SLC30A9: variants seen among roughly 807,000 people sequenced by gnomAD.
SLC30A9 encodes proton-coupled zinc antiporter SLC30A9, mitochondrial.
Under a neutral mutation model 87.5 loss-of-function variants are expected in SLC30A9, and 58 were observed. The ratio of observed to expected loss-of-function variants is 0.66; its 90% CI spans 0.54 to 0.82. SLC30A9 has a LOEUF of 0.82. SLC30A9 is among the 40% of genes least tolerant of loss of function. The probability of loss-of-function intolerance (pLI) is 0.00; values close to 1 mark genes in which losing one functional copy is unlikely to be tolerated. For synonymous variants in SLC30A9, 234 were observed against 233.0 expected (o/e 1.00, Z -0.04); for missense variants, 557 against 679.1 (o/e 0.82, Z 2.00).
In SLC30A9 at chr4:42,087,942, T is replaced by C. The variant is rs1007285211; in HGVS notation, c.*1816T>C. ...GACAAGAATAATTACTCATTTTTTT[T>C]CCCAAGACGACCCTCAAAGTTAATG... On this transcript the variant is annotated 3_prime_UTR_variant, in exon 18 of 18. Transcript: ENST00000264451. The C allele has an allele frequency of 6.6e-6, 1 of 151,610 alleles. No individual in the cohort carries two copies. Among genetic ancestry groups the C allele is most frequent in the African/African-American group, 2.4e-5 (1 of 41,280 alleles). The allele number at this position is 151,610 out of a possible 1,614,324, so 9.4% of individuals were successfully genotyped here.
At chr4:42,001,272 TC>T (rs1257236759) in intron 1 of SLC30A9, among the ~76,000 whole-genome samples, 1 of 152,010 alleles carries the variant, frequency 6.6e-6, no homozygotes, top group Non-Finnish European at 1.5e-5. Flanking sequence ...TAGGAAGTCT[TC>T]CTGACCTTCC....
intron 6 of SLC30A9, among the ~76,000 whole-genome samples, chr4:42,027,329 CCAA>C (rs767825780): frequency 2.6e-5 from 4 of 152,226 alleles, no homozygotes; most frequent in Non-Finnish European, 4.4e-5. Context: ...CTTTGCACTA[CCAA>C]CAGCAGAGTT....
At chr4:41,997,033 C>CAAATAAATAAAA (rs1714743444) in intron 1 of SLC30A9, among the ~76,000 whole-genome samples, 1 of 140,842 alleles carries the variant, frequency 7.1e-6, no homozygotes, top group African/African-American at 2.6e-5. Context: ...GACTCCATCT[C>CAAATAAATAAAA]AAATAAATAA....
intron 16 of SLC30A9, 98 bp downstream of exon 16, chr4:42,075,884 T>G: frequency 1.7e-6 from 2 of 1,188,164 alleles, no homozygotes; most frequent in Non-Finnish European, 2.3e-6. Flanking sequence ...TAAAGGCACT[T>G]TAGCTCTCAA....
intron 8 of SLC30A9, 86 bp downstream of exon 8, chr4:42,039,139 A>G (rs1170875406): frequency 1.0e-6 from 1 of 977,418 alleles, no homozygotes; most frequent in East Asian, 2.6e-5. Context: ...ATTACATGGT[A>G]GCTAGCTATA....
In SLC30A9 at chr4:42,062,984, A is replaced by G. The variant is rs755611026; in HGVS notation, c.897-2A>G. 1 of 1,610,774 alleles carries G rather than the reference A, an allele frequency of 6.2e-7. No individual in the cohort carries two copies. Among genetic ancestry groups the G allele is most frequent in the Non-Finnish European group, 8.5e-7 (1 of 1,178,194 alleles). On this transcript the variant is annotated splice_acceptor_variant, in intron 10 of 17. Coordinates refer to ENST00000264451, the MANE Select transcript of SLC30A9 (RefSeq NM_006345.4). LOFTEE classifies it high-confidence loss of function. ...CGAACTATATTCTTTTCTATTTTTC[A>G]GGTACGGATTTTCAAATATGCGCTA...
intron 6 of SLC30A9, among the ~76,000 whole-genome samples, chr4:42,026,485 A>T (rs1716197260): frequency 6.6e-6 from 1 of 152,226 alleles, no homozygotes. Flanking sequence ...CTTTATTGTT[A>T]TCTGTTAAAC....
chr4:42,046,814 T>C (rs1211706125), intron 8 of SLC30A9, among the ~76,000 whole-genome samples: 2 of 152,126 alleles, frequency 1.3e-5, no homozygotes, highest in African/African-American at 4.8e-5. Flanking sequence ...GGAGGCATCA[T>C]GCTGCCTGAC....
intron 16 of SLC30A9, among the ~76,000 whole-genome samples, chr4:42,076,620 G>A (rs1049233348): frequency 2.0e-5 from 3 of 152,110 alleles, no homozygotes; most frequent in Non-Finnish European, 4.4e-5. Context: ...TGAATATGCT[G>A]TAATTTATTT....
At chr4:42,068,618 C>G (rs76044037) in intron 14 of SLC30A9, among the ~76,000 whole-genome samples, 1 of 152,184 alleles carries the variant, frequency 6.6e-6, no homozygotes, top group South Asian at 2.1e-4. Context: ...CCTATAAAGT[C>G]GCAGTTTCTA....
intron 8 of SLC30A9, among the ~76,000 whole-genome samples, chr4:42,049,019 G>T (rs1717280276): frequency 6.6e-6 from 1 of 152,162 alleles, no homozygotes; most frequent in Admixed American, 6.5e-5. Context: ...CTGGAGTGCA[G>T]TGGCACGATC....
chr4:42,036,934 G>T (rs968630072), intron 7 of SLC30A9, among the ~76,000 whole-genome samples: 1 of 152,056 alleles, frequency 6.6e-6, no homozygotes, highest in African/African-American at 2.4e-5. Flanking sequence ...TTCACTCCTC[G>T]CCTTCACATC....
intron 15 of SLC30A9, among the ~76,000 whole-genome samples, chr4:42,072,342 T>A (rs747948901): frequency 3.3e-4 from 50 of 152,196 alleles, no homozygotes; most frequent in South Asian, 4.1e-4. Context: ...TTCCACTGTC[T>A]TAAGGTTAAG....
At chr4:42,063,179 G>A in intron 11 of SLC30A9, 58 bp downstream of exon 11, 1 of 1,507,174 alleles carries the variant, frequency 6.6e-7, no homozygotes, top group Non-Finnish European at 9.1e-7. Context: ...ATTGTGTACA[G>A]TAGAAGGCCT....
chr4:42,055,410 A>G (rs1482914733), intron 9 of SLC30A9, among the ~76,000 whole-genome samples: 1 of 152,102 alleles, frequency 6.6e-6, no homozygotes, highest in Non-Finnish European at 1.5e-5. Context: ...TTTTTGAGAC[A>G]GAGTCTCGCT....
In SLC30A9 at chr4:42,067,187, T is replaced by A; in HGVS notation, c.1247T>A (p.Ile416Lys). 1 of 1,561,160 alleles carries A rather than the reference T, an allele frequency of 6.4e-7. No homozygotes were observed. Reference sequence around the variant, plus strand: ...GCCACTTGCATGGGCCTTACTTCTATAACAGGTAAATATTCCTTAAATTAC... The same window carrying A: ...GCCACTTGCATGGGCCTTACTTCTAAAACAGGTAAATATTCCTTAAATTAC... ...IAATCMGLTS[I>K]TGNPLYDSLG... The change falls in exon 14 of 18, where the codon ATA (isoleucine) becomes AAA (lysine). Residue 416 changes from isoleucine (I) to lysine (K), a missense_variant. Ile to Lys is a moderately radical substitution (Grantham distance 102). Coordinates refer to ENST00000264451, the MANE Select transcript of SLC30A9 (RefSeq NM_006345.4).
intron 17 of SLC30A9, among the ~76,000 whole-genome samples, chr4:42,084,714 G>A (rs934527627): frequency 7.2e-5 from 11 of 152,018 alleles, no homozygotes; most frequent in East Asian, 1.9e-4. Context: ...CTTGTGATCC[G>A]CCCGCCTCGG....
intron 1 of SLC30A9, among the ~76,000 whole-genome samples, chr4:41,998,315 T>A (rs1714812660): frequency 6.6e-6 from 1 of 152,202 alleles, no homozygotes; most frequent in African/African-American, 2.4e-5. Flanking sequence ...ATAAGGAAGT[T>A]CTTGTCCAGG....
chr4:42,053,726 G>GAAAAAAAAAA, intron 9 of SLC30A9, among the ~76,000 whole-genome samples: 1 of 102,490 alleles, frequency 9.8e-6, no homozygotes, highest in Non-Finnish European at 1.8e-5. Context: ...AAAAAAAAAG[G>GAAAAAAAAAA]AATGTTATAG....
Sources: allele counts gnomAD v4.1 joint callset (sites outside exome capture counted in the v4.1 genomes callset), GRCh38; gene constraint gnomAD v4.1.1; transcripts MANE v1.5; gene names NCBI Gene and HGNC (gene_info 2026-07-23, HGNC 2026-07-21).